Variants in SOX17 observed in about 807,000 individuals in gnomAD.
SOX17 encodes the protein transcription factor SOX-17.
Under a neutral mutation model 16.0 loss-of-function variants are expected in SOX17, and 4 were observed. That is an observed-to-expected ratio of 0.25 (90% confidence interval 0.12 to 0.57). The LOEUF (loss-of-function observed/expected upper bound fraction) is 0.57. SOX17 is among the 20% of genes least tolerant of loss of function. The pLI is 0.92. For missense variants in SOX17, 633 were observed against 609.7 expected (o/e 1.04, Z -0.40); for synonymous variants, 357 against 284.6 (o/e 1.25, Z -2.56).
chr8:54,459,004 G>C (rs1452925145), intron 1 of SOX17, 54 bp from the exon 2 acceptor site: 12 of 1,473,410 alleles, frequency 8.1e-6, no homozygotes, highest in South Asian at 2.6e-5. Context: ...GGCCTGGAGC[G>C]GGAGCGCAGC....
chr8:54,458,320 G>C lies in SOX17; in HGVS notation c.182G>C (p.Arg61Pro). 1.2e-6 allele frequency: 2 copies of C among 1,611,858 alleles called. No homozygotes were observed. The highest frequency in any genetic ancestry group is 2.7e-5 in the African/African-American group (2 of 75,004). The stretch of plus-strand genomic sequence containing the variant: ...GGAGCACCGGCCGGGGCCGCGGGCC[G>C]AGCCAAGGGCGAGTCCCGTATCCGG... ...NSGAPAGAAGRAKGESRIRRP... is the reference protein window; with the variant it reads ...NSGAPAGAAGPAKGESRIRRP... Residue 61 changes from arginine to proline, a missense_variant, in exon 1 of 2, where the codon CGA becomes CCA. Physicochemically the swap from Arg to Pro is moderately radical, Grantham distance 103. Transcript: ENST00000297316.
chr8:54,458,928 T>C, intron 1 of SOX17, 130 bp from the exon 2 acceptor site: 1 of 801,444 alleles, frequency 1.2e-6, no homozygotes, highest in Non-Finnish European at 1.9e-6. Flanking sequence ...TCTCCCTCTT[T>C]AACTTCACCC....
Position 54,460,311 on chromosome 8 carries a change from A to C in SOX17, c.*316A>C, listed in dbSNP as rs887044447. The stretch of plus-strand genomic sequence containing the variant: ...TCCATTTCCTGAAAGTTTATTGATC[A>C]AAGAAATGTTGTCCTGGGTGTGTTT... On this transcript the variant is annotated 3_prime_UTR_variant, in exon 2 of 2. Coordinates refer to ENST00000297316, the MANE Select transcript of SOX17 (RefSeq NM_022454.4). The C allele has an allele frequency of 1.1e-5, 5 of 461,052 alleles. No individual in the cohort carries two copies. Among genetic ancestry groups the C allele is most frequent in the Admixed American group, 3.9e-5 (1 of 25,674 alleles). 28.6% of individuals were successfully genotyped at this position (461,052 alleles called of 1,614,324 possible).
chr8:54,459,501 T>C lies in SOX17; in HGVS notation c.751T>C (p.Tyr251His). Residue 251 changes from tyrosine (Y) to histidine (H), a missense_variant, in exon 2 of 2, where the codon TAC (tyrosine) becomes CAC (histidine). This residue lies in a region of SOX17 where 479 missense variants were observed against 397.2 expected (regional missense o/e 1.21). Transcript: ENST00000297316. ...CGGGGACTGCCCGGCGGCCGGCACC[T>C]ACAGCTACGCGCAGGTCTCGGACTA... ...MPGDCPAAGT[Y>H]SYAQVSDYAG... The C allele has an allele frequency of 6.5e-7, 1 of 1,527,048 alleles. No homozygotes were observed. Among genetic ancestry groups the C allele is most frequent in the Non-Finnish European group, 8.7e-7 (1 of 1,143,702 alleles). 94.6% of individuals were successfully genotyped at this position (1,527,048 alleles called of 1,614,324 possible).
chr8:54,458,965 G>A (rs1804683936), intron 1 of SOX17, 93 bp from the exon 2 acceptor site: 14 of 1,167,094 alleles, frequency 1.2e-5, no homozygotes, highest in African/African-American at 1.6e-5. Flanking sequence ...AGTCTGAGGG[G>A]GGAGGTGCGT....
chr8:54,459,601 C>A lies in SOX17; in HGVS notation c.851C>A (p.Pro284Gln). ...CCAGAGCCCGCGGGTCCCTCGATTC[C>A]GGGCCTCCTGGCGCCACCCAGCGCC... ...LGPEPAGPSIPGLLAPPSALH... is the reference protein window; with the variant it reads ...LGPEPAGPSIQGLLAPPSALH... The change falls in exon 2 of 2, where the codon CCG becomes CAG. Residue 284 changes from proline to glutamine, a missense_variant. Pro to Gln is a moderately conservative substitution (Grantham distance 76). Around this residue, in one of 5 missense-constraint regions of SOX17, gnomAD observed 479 missense variants for 397.2 expected, o/e 1.21. Coordinates refer to ENST00000297316, the MANE Select transcript of SOX17 (RefSeq NM_022454.4). The A allele has an allele frequency of 6.5e-7, 1 of 1,540,920 alleles. No individual in the cohort carries two copies. The highest frequency in any genetic ancestry group is 8.7e-7 in the Non-Finnish European group (1 of 1,149,240).
In SOX17 at chr8:54,458,044, C is replaced by T. The variant is rs1357394390; in HGVS notation, c.-95C>T. On this transcript the variant is annotated 5_prime_UTR_variant, in exon 1 of 2. Transcript: ENST00000297316. The stretch of plus-strand genomic sequence containing the variant: ...CGGGAGACCCGCGCAGCCCTCGGGG[C>T]ATCTCAGTGCCTCACTCCCCACCCC... 1.0e-5 allele frequency: 14 copies of T among 1,346,326 alleles called. No homozygotes were observed. Among genetic ancestry groups the T allele is most frequent in the South Asian group, 1.6e-5 (1 of 63,294 alleles). The allele number at this position is 1,346,326 out of a possible 1,614,324, so 83.4% of individuals were successfully genotyped here.
rs961108131 is a variant in SOX17, at chr8:54,458,028, C to T, written c.-111C>T. ...GGCGGCGGCTTCGGGCCGGGAGACCCGCGCAGCCCTCGGGGCATCTCAGTG... is the reference window on the plus strand; with the variant it reads ...GGCGGCGGCTTCGGGCCGGGAGACCTGCGCAGCCCTCGGGGCATCTCAGTG... On this transcript the variant is annotated 5_prime_UTR_variant, in exon 1 of 2. Transcript: ENST00000297316. 1.4e-5 allele frequency: 18 copies of T among 1,277,174 alleles called. No homozygotes were observed. The highest frequency in any genetic ancestry group is 1.7e-5 in the South Asian group (1 of 59,988). The allele number at this position is 1,277,174 out of a possible 1,614,324, so 79.1% of individuals were successfully genotyped here.
At position 54,459,271 on chromosome 8, in the gene SOX17, T is replaced by C. The variant is rs759504104; in HGVS notation, c.521T>C (p.Val174Ala). The C allele has an allele frequency of 8.0e-6, 12 of 1,504,600 alleles. No homozygotes were observed. Among genetic ancestry groups the C allele is most frequent in the Middle Eastern group, 1.9e-4 (1 of 5,322 alleles). The allele number at this position is 1,504,600 out of a possible 1,614,324, so 93.2% of individuals were successfully genotyped here. A position where few individuals can be genotyped will look rare whatever the true frequency, so the allele number is the denominator to read the frequency against. The change falls in exon 2 of 2, where the codon GTG becomes GCG. Residue 174 changes from valine (V) to alanine (A), a missense_variant. Around this residue, in one of 5 missense-constraint regions of SOX17, gnomAD observed 479 missense variants for 397.2 expected, o/e 1.21. Coordinates refer to ENST00000297316, the MANE Select transcript of SOX17 (RefSeq NM_022454.4). The part of the protein sequence containing the change: ...AAALGPEGGR[V>A]AMDGLGLQFP... ...GCGCTGGGCCCCGAGGGCGGCCGCG[T>C]GGCCATGGACGGCCTGGGCCTCCAG...
chr8:54,459,849 C>T lies in SOX17; in HGVS notation c.1099C>T (p.Leu367=), dbSNP rs2129278329. ...EVDRTEFEQY[L]HFVCKPEMGL... is the part of the protein sequence containing the mutation. ...GGACCGCACGGAATTTGAACAGTAT[C>T]TGCACTTCGTGTGCAAGCCTGAGAT... The change falls in exon 2 of 2, where the codon CTG becomes TTG. Residue 367 remains leucine, a synonymous_variant. Transcript: ENST00000297316. 1 of 1,613,746 alleles carries T rather than the reference C, an allele frequency of 6.2e-7. No homozygotes were observed. The highest frequency in any genetic ancestry group is 8.5e-7 in the Non-Finnish European group (1 of 1,180,024).
rs1430067511 is a variant in SOX17 at position 54,460,435 on chromosome 8, TGTTAA to T, written c.*444_*448del. The T allele has an allele frequency of 3.6e-6, 1 of 278,586 alleles. No homozygotes were observed. The highest frequency in any genetic ancestry group is 5.3e-5 in the East Asian group (1 of 19,034). The allele number at this position is 278,586 out of a possible 1,614,324, so 17.3% of individuals were successfully genotyped here. A position where few individuals can be genotyped will look rare whatever the true frequency, so the allele number is the denominator to read the frequency against. On this transcript the variant is annotated 3_prime_UTR_variant, in exon 2 of 2. Transcript: ENST00000297316. ...ATCAAAAACCAGTTCTTAAGATCAATGTTAAGTTTATTAGTTAATGTAAATTTCTC... is the reference window on the plus strand; with the variant it reads ...ATCAAAAACCAGTTCTTAAGATCAATGTTTATTAGTTAATGTAAATTTCTC...
Position 54,460,661 on chromosome 8 carries a change from G to T in SOX17, c.*666G>T, listed in dbSNP as rs941520460. 1.3e-5 allele frequency: 3 copies of T among 230,398 alleles called. No individual in the cohort carries two copies. The highest frequency in any genetic ancestry group is 2.6e-5 in the Non-Finnish European group (3 of 116,484). 14.3% of individuals were successfully genotyped at this position (230,398 alleles called of 1,614,324 possible). On this transcript the variant is annotated 3_prime_UTR_variant, in exon 2 of 2. Transcript: ENST00000297316. Reference sequence around the variant, plus strand: ...CCAGTATATCACTTTAAGTAGAAGGGGATGTCCAAGTAATTTTGGTTTTCT... The same window carrying T: ...CCAGTATATCACTTTAAGTAGAAGGTGATGTCCAAGTAATTTTGGTTTTCT...
Position 54,459,625 on chromosome 8 carries a change from C to A in SOX17, c.875C>A (p.Ala292Asp). 1.3e-6 allele frequency: 2 copies of A among 1,539,446 alleles called. No homozygotes were observed. Among genetic ancestry groups the A allele is most frequent in the Non-Finnish European group, 1.7e-6 (2 of 1,147,946 alleles). The change falls in exon 2 of 2, where the codon GCC becomes GAC. Residue 292 changes from alanine to aspartate, a missense_variant. This residue lies in a region of SOX17 where 479 missense variants were observed against 397.2 expected (regional missense o/e 1.21). Coordinates refer to ENST00000297316, the MANE Select transcript of SOX17 (RefSeq NM_022454.4). The part of the protein sequence containing the change: ...SIPGLLAPPS[A>D]LHVYYGAMGS... The stretch of plus-strand genomic sequence containing the variant: ...CCGGGCCTCCTGGCGCCACCCAGCG[C>A]CCTTCACGTGTACTACGGCGCGATG...
rs1389506750 is a variant in SOX17 at position 54,458,288 on chromosome 8, G to T, written c.150G>T (p.Ala50=). The T allele has an allele frequency of 1.2e-6, 2 of 1,610,288 alleles. No homozygotes were observed. The highest frequency in any genetic ancestry group is 2.2e-5 in the East Asian group (1 of 44,780). The change falls in exon 1 of 2, where the codon GCG becomes GCT. Residue 50 remains alanine, a synonymous_variant. Transcript: ENST00000297316. ...TGAAGGTGAAGGGCGAGGCGCCGGC[G>T]AACAGCGGAGCACCGGCCGGGGCCG... ...GDMKVKGEAP[A]NSGAPAGAAG... is the part of the protein sequence containing the mutation.
rs1160678475 is a variant in SOX17, at chr8:54,457,999, C to T, written c.-140C>T. ...TAGACCAGACCGCGACAGGCCAGAA[C>T]ACGGGCGGCGGCTTCGGGCCGGGAG... On this transcript the variant is annotated 5_prime_UTR_variant, in exon 1 of 2. Coordinates refer to ENST00000297316, the MANE Select transcript of SOX17 (RefSeq NM_022454.4). 3.8e-6 allele frequency: 4 copies of T among 1,054,820 alleles called. No homozygotes were observed. Among genetic ancestry groups the T allele is most frequent in the Admixed American group, 3.2e-5 (1 of 30,854 alleles). The allele number at this position is 1,054,820 out of a possible 1,614,324, so 65.3% of individuals were successfully genotyped here.
chr8:54,459,478 G>C lies in SOX17; in HGVS notation c.728G>C (p.Gly243Ala), dbSNP rs1804698140. Residue 243 changes from glycine to alanine, a missense_variant, in exon 2 of 2, where the codon GGG becomes GCG. Coordinates refer to ENST00000297316, the MANE Select transcript of SOX17 (RefSeq NM_022454.4). The stretch of plus-strand genomic sequence containing the variant: ...GCTTTCTTCGCCGCCCCGATGCCCG[G>C]GGACTGCCCGGCGGCCGGCACCTAC... ...DPAFFAAPMP[G>A]DCPAAGTYSY... is the part of the protein sequence containing the mutation. The C allele has an allele frequency of 2.0e-6, 3 of 1,524,380 alleles. No individual in the cohort carries two copies. The highest frequency in any genetic ancestry group is 2.6e-6 in the Non-Finnish European group (3 of 1,142,590). The allele number at this position is 1,524,380 out of a possible 1,614,324, so 94.4% of individuals were successfully genotyped here.
Position 54,460,237 on chromosome 8 carries a change from T to A in SOX17, c.*242T>A. 1 of 580,100 alleles carries A rather than the reference T, an allele frequency of 1.7e-6. No individual in the cohort carries two copies. The highest frequency in any genetic ancestry group is 2.1e-5 in the South Asian group (1 of 47,504). 35.9% of individuals were successfully genotyped at this position (580,100 alleles called of 1,614,324 possible). ...CCATAGTTGGATTGTCAAAACCCTA[T>A]TTCCAAGTTCAAGTTAACTAGCTTT... On this transcript the variant is annotated 3_prime_UTR_variant, in exon 2 of 2. Coordinates refer to ENST00000297316, the MANE Select transcript of SOX17 (RefSeq NM_022454.4).
rs1804698308 is a variant in SOX17, at chr8:54,459,486, C to T, written c.736C>T (p.Pro246Ser). 1.3e-6 allele frequency: 2 copies of T among 1,525,472 alleles called. No individual in the cohort carries two copies. The highest frequency in any genetic ancestry group is 1.2e-5 in the South Asian group (1 of 83,100). The allele number at this position is 1,525,472 out of a possible 1,614,324, so 94.5% of individuals were successfully genotyped here. A position where few individuals can be genotyped will look rare whatever the true frequency, so the allele number is the denominator to read the frequency against. The change falls in exon 2 of 2, where the codon CCG (proline) becomes TCG (serine). Residue 246 changes from proline to serine, a missense_variant. By Grantham distance (74) the Pro-to-Ser change is moderately conservative (BLOSUM62 -1). This residue lies in a region of SOX17 where 479 missense variants were observed against 397.2 expected (regional missense o/e 1.21). Transcript: ENST00000297316. ...CGCCGCCCCGATGCCCGGGGACTGC[C>T]CGGCGGCCGGCACCTACAGCTACGC... The part of the protein sequence containing the change: ...FFAAPMPGDC[P>S]AAGTYSYAQV...
Position 54,460,584 on chromosome 8 carries a change from G to A in SOX17, c.*589G>A, listed in dbSNP as rs1047785620. Reference sequence around the variant, plus strand: ...AAAAAAGAAAAGCATTCTGGAATGAGCCTACTTCAAGTAATCTTAGTTTCT... The same window carrying A: ...AAAAAAGAAAAGCATTCTGGAATGAACCTACTTCAAGTAATCTTAGTTTCT... On this transcript the variant is annotated 3_prime_UTR_variant, in exon 2 of 2. Coordinates refer to ENST00000297316, the MANE Select transcript of SOX17 (RefSeq NM_022454.4). 1 of 233,712 alleles carries A rather than the reference G, an allele frequency of 4.3e-6. No individual in the cohort carries two copies. Among genetic ancestry groups the A allele is most frequent in the Non-Finnish European group, 8.4e-6 (1 of 118,624 alleles). The allele number at this position is 233,712 out of a possible 1,614,324, so 14.5% of individuals were successfully genotyped here. A position where few individuals can be genotyped will look rare whatever the true frequency, so the allele number is the denominator to read the frequency against.
Sources: allele counts gnomAD v4.1 joint callset, GRCh38; gene constraint gnomAD v4.1.1; regional missense constraint gnomAD v4.1.1; transcripts MANE v1.5; gene names NCBI Gene and HGNC (gene_info 2026-07-23, HGNC 2026-07-21).